The following FRMPD2 variants were observed in gnomAD, a reference collection of about 807,000 sequenced individuals.
FRMPD2 encodes FERM and PDZ domain-containing protein 2.
Under a neutral mutation model 140.1 loss-of-function variants are expected in FRMPD2, and 96 were observed. That is an observed-to-expected ratio of 0.69 (90% confidence interval 0.58 to 0.81). FRMPD2 has a LOEUF of 0.81. Ranked by LOEUF, FRMPD2 falls within the 40% of genes least tolerant of loss-of-function variation. FRMPD2 has a pLI of 0.00. For synonymous variants in FRMPD2, 449 were observed against 547.6 expected (o/e 0.82, Z 2.52); for missense variants, 1,240 against 1,447.4 (o/e 0.86, Z 2.32).
At chr10:48,237,264 G>A (rs1442765471) in intron 8 of FRMPD2, among the ~76,000 whole-genome samples, 1 of 152,192 alleles carries the variant, frequency 6.6e-6, no homozygotes, top group Non-Finnish European at 1.5e-5. Context: ...CAGCCCAGAA[G>A]TGACTTGTGT....
chr10:48,266,004 G>A (rs1197640197), intron 1 of FRMPD2, among the ~76,000 whole-genome samples: 3 of 152,150 alleles, frequency 2.0e-5, no homozygotes, highest in African/African-American at 7.2e-5. Flanking sequence ...AGAAAATGTA[G>A]TATATATACA....
chr10:48,238,048 T>C lies in FRMPD2; in HGVS notation c.864A>G (p.Ala288=), dbSNP rs1456947885. The C allele has an allele frequency of 1.2e-6, 2 of 1,614,120 alleles. No individual in the cohort carries two copies. Among genetic ancestry groups the C allele is most frequent in the Non-Finnish European group, 1.7e-6 (2 of 1,180,034 alleles). The change falls in exon 8 of 29, where the codon GCA becomes GCG. Residue 288 remains alanine, a synonymous_variant. Coordinates refer to ENST00000374201, the MANE Select transcript of FRMPD2 (RefSeq NM_001018071.4). ...RLSSGSVHSA[A]DSSWPTTPSQ... ...AAGGAGTTGTTGGCCATGAGCTGTC[T>C]GCTGCCGAGTGCACAGATCCAGAGC...
chr10:48,240,780 C>A (rs530056792), intron 5 of FRMPD2, among the ~76,000 whole-genome samples: 1 of 152,190 alleles, frequency 6.6e-6, no homozygotes, highest in African/African-American at 2.4e-5. Context: ...TCTGTGCCCA[C>A]AAGACCCAGA....
intron 10 of FRMPD2, among the ~76,000 whole-genome samples, chr10:48,224,202 C>G (rs376054172): frequency 1.3e-5 from 2 of 152,116 alleles, no homozygotes; most frequent in East Asian, 1.9e-4. Flanking sequence ...GCCCCTCCCC[C>G]ACCCCTCTGC....
chr10:48,240,583 A>T (rs1434452149), intron 5 of FRMPD2, 91 bp from the exon 6 acceptor site: 4 of 1,547,916 alleles, frequency 2.6e-6, no homozygotes, highest in Non-Finnish European at 3.5e-6. Context: ...GACTGAATCA[A>T]TGTGGAATTG....
At chr10:48,240,130 T>C (rs1005400459) in intron 6 of FRMPD2, among the ~76,000 whole-genome samples, 4 of 152,256 alleles carry the variant, frequency 2.6e-5, no homozygotes, top group Non-Finnish European at 5.9e-5. Flanking sequence ...AACTCATTTT[T>C]AAAGTTTTCA....
chr10:48,185,531 C>A, intron 18 of FRMPD2, 22 bp downstream of exon 18: 1 of 1,577,918 alleles, frequency 6.3e-7, no homozygotes, highest in Non-Finnish European at 8.7e-7. Context: ...GACTGGGCCT[C>A]ACCTACAGGG....
chr10:48,178,064 G>T lies in FRMPD2; in HGVS notation c.2878C>A (p.Leu960Ile), dbSNP rs782484554. The T allele has an allele frequency of 2.8e-5, 44 of 1,599,258 alleles. No homozygotes were observed. The Admixed American group carries it at 3.5e-4, about 13-fold the overall frequency. Residue 960 changes from leucine to isoleucine, a missense_variant, in exon 22 of 29, where the codon CTT (leucine) becomes ATT (isoleucine). Physicochemically the swap from Leu to Ile is conservative, Grantham distance 5. Around this residue, in one of 6 missense-constraint regions of FRMPD2, gnomAD observed 25 missense variants for 41.5 expected, o/e 0.60. Transcript: ENST00000374201. ...FVELVKEDGT[L>I]GFSVTGGINT... The stretch of plus-strand genomic sequence containing the variant: ...ACTCTTACAGTTACACTGAATCCAA[G>T]TGTCCCATCTTCTTTAACCAGTTCC...
Position 48,249,025 on chromosome 10 carries a change from G to A in FRMPD2, c.305C>T (p.Ser102Phe). ...GQSEDEQPDA[S>F]QMHVYSLGMT... ...CAGAGTAGCTGCACAGCTTACCTGA[G>A]ATGCATCAGGCTGCTCATCCTCACT... The change falls in exon 3 of 29, where the codon TCT becomes TTT. Residue 102 changes from serine (S) to phenylalanine (F), a missense_variant. Physicochemically the swap from Ser to Phe is radical, Grantham distance 155. Around this residue, in one of 6 missense-constraint regions of FRMPD2, gnomAD observed 1,161 missense variants for 1,055.9 expected, o/e 1.10. Transcript: ENST00000374201. The A allele has an allele frequency of 6.2e-7, 1 of 1,609,466 alleles. No individual in the cohort carries two copies. Among genetic ancestry groups the A allele is most frequent in the Non-Finnish European group, 8.5e-7 (1 of 1,177,426 alleles).
intron 1 of FRMPD2, among the ~76,000 whole-genome samples, chr10:48,266,189 G>A (rs1177188086): frequency 6.6e-6 from 1 of 152,126 alleles, no homozygotes; most frequent in African/African-American, 2.4e-5. Context: ...CACAAAGTGG[G>A]AAACAACAGA....
chr10:48,248,377 G>C (rs183597791), intron 3 of FRMPD2, among the ~76,000 whole-genome samples: 5 of 152,224 alleles, frequency 3.3e-5, no homozygotes, highest in Admixed American at 3.3e-4. Context: ...AACAATCACC[G>C]CAGACACTTT....
chr10:48,255,738 C>T (rs749417605), intron 1 of FRMPD2, among the ~76,000 whole-genome samples: 1 of 152,138 alleles, frequency 6.6e-6, no homozygotes, highest in African/African-American at 2.4e-5. Flanking sequence ...AAGGCACTTC[C>T]AGGAGGTGTC....
chr10:48,173,939 G>A (rs1245911982), intron 24 of FRMPD2, among the ~76,000 whole-genome samples: 4 of 152,080 alleles, frequency 2.6e-5, no homozygotes, highest in Non-Finnish European at 5.9e-5. Context: ...GATCCCAGAG[G>A]GACAATTCCT....
chr10:48,268,101 T>TA (rs990158550), intron 1 of FRMPD2, among the ~76,000 whole-genome samples: 3 of 152,170 alleles, frequency 2.0e-5, no homozygotes, highest in African/African-American at 7.2e-5. Context: ...TCACTGAAGA[T>TA]ACACACATCG....
intron 14 of FRMPD2, among the ~76,000 whole-genome samples, chr10:48,204,297 T>A (rs3906616): frequency 0.018 from 2,652 of 151,148 alleles, 64 homozygotes; most frequent in African/African-American, 0.059. Context: ...ACATGACACG[T>A]TTTTTTTTAT....
intron 28 of FRMPD2, among the ~76,000 whole-genome samples, chr10:48,161,462 T>C (rs1837939730): frequency 6.6e-6 from 1 of 151,754 alleles, no homozygotes; most frequent in Non-Finnish European, 1.5e-5. Flanking sequence ...TAAAGAGGCA[T>C]AAAGATGTGG....
chr10:48,220,757 T>C (rs1435197165), intron 12 of FRMPD2, among the ~76,000 whole-genome samples: 1 of 151,966 alleles, frequency 6.6e-6, no homozygotes, highest in African/African-American at 2.4e-5. Flanking sequence ...AAGCAAACGA[T>C]TTCATCAGAA....
chr10:48,265,132 A>G (rs962945697), intron 1 of FRMPD2, among the ~76,000 whole-genome samples: 16 of 152,234 alleles, frequency 1.1e-4, no homozygotes, highest in African/African-American at 3.9e-4. Flanking sequence ...CTTATTCAGT[A>G]AATGGTGCTG....
intron 4 of FRMPD2, among the ~76,000 whole-genome samples, chr10:48,243,356 G>A (rs960248951): frequency 7.2e-5 from 11 of 152,244 alleles, no homozygotes; most frequent in African/African-American, 2.4e-4. Context: ...TGCTGGTGAA[G>A]GGATCCGTGT....
Sources: allele counts gnomAD v4.1 joint callset (sites outside exome capture counted in the v4.1 genomes callset), GRCh38; gene constraint gnomAD v4.1.1; regional missense constraint gnomAD v4.1.1; transcripts MANE v1.5; gene names NCBI Gene and HGNC (gene_info 2026-07-23, HGNC 2026-07-21).